The following NKD1 variants were observed in gnomAD, a reference collection of about 807,000 sequenced individuals.
NKD1 encodes protein naked cuticle homolog 1.
A neutral mutation model predicts 56.0 loss-of-function variants in NKD1; 21 were observed. The ratio of observed to expected loss-of-function variants is 0.38; its 90% CI spans 0.27 to 0.54. The LOEUF (loss-of-function observed/expected upper bound fraction) is 0.54, where lower values mean the gene tolerates loss of function less well. NKD1 is among the 20% of genes least tolerant of loss of function. The probability of loss-of-function intolerance (pLI) is 0.82; values close to 1 mark genes in which losing one functional copy is unlikely to be tolerated. For synonymous variants in NKD1, 263 were observed against 265.7 expected, an observed-to-expected ratio of 0.99 and a Z score of 0.10; for missense variants, 578 against 642.7, an observed-to-expected ratio of 0.90 and a Z score of 1.09.
chr16:50,597,701 G>GC (rs1178573224), intron 3 of NKD1, among the ~76,000 whole-genome samples: 1 of 152,128 alleles, frequency 6.6e-6, no homozygotes, highest in African/African-American at 2.4e-5. Context: ...TTCCCAAATG[G>GC]CCCCTCTCAC....
At chr16:50,597,437 T>C (rs894533586) in intron 3 of NKD1, among the ~76,000 whole-genome samples, 4 of 152,090 alleles carry the variant, frequency 2.6e-5, no homozygotes, top group Non-Finnish European at 5.9e-5. Flanking sequence ...GAAAAAGTTA[T>C]TATTATTTTT....
chr16:50,572,876 G>T, intron 3 of NKD1: 1 of 985,098 alleles, frequency 1.0e-6, no homozygotes, highest in Non-Finnish European at 1.2e-6. Context: ...GAGCCAACAG[G>T]ATCATGAGGT....
chr16:50,596,940 T>C (rs968778664), intron 3 of NKD1, among the ~76,000 whole-genome samples: 1 of 151,968 alleles, frequency 6.6e-6, no homozygotes, highest in Non-Finnish European at 1.5e-5. Flanking sequence ...GCTGAACCTG[T>C]TGGAGAAACA....
intron 4 of NKD1, 67 bp downstream of exon 4, chr16:50,608,427 T>G: frequency 8.9e-7 from 1 of 1,127,318 alleles, no homozygotes; most frequent in Non-Finnish European, 1.3e-6. Context: ...CAGCTGGCCG[T>G]GTGCCCTGTG....
rs371351306 is a variant in NKD1, at chr16:50,582,338, T to C, written c.193-25956T>C. 5.9e-5 allele frequency among the ~76,000 whole-genome samples: 9 copies of C among 152,328 alleles called. No individual in the cohort carries two copies. In the East Asian group the frequency reaches 1.7e-3, roughly 29 times the overall value. ...AGCCAAAATGAGATTCAAAATGCCC[T>C]GAGAGAGAGCTGCCCCCTCCCACAT... On this transcript the variant is annotated intron_variant, in intron 3 of 9. Coordinates refer to ENST00000268459, the MANE Select transcript of NKD1 (RefSeq NM_033119.5).
intron 5 of NKD1, among the ~76,000 whole-genome samples, chr16:50,624,719 G>A (rs1596753909): frequency 6.6e-6 from 1 of 152,218 alleles, no homozygotes; most frequent in Non-Finnish European, 1.5e-5. Flanking sequence ...TGTAGCATGC[G>A]CTCAGATTTG....
rs1209177853 is a variant in NKD1, at chr16:50,642,675, TAAAAC to T, written c.*8896_*8900del. ...TGGCACGTAATAGGCCCTCGATAAGTAAAACAGCAACAGTAGCTGCAGTTAGGAGA... is the reference window on the plus strand; with the variant it reads ...TGGCACGTAATAGGCCCTCGATAAGTAGCAACAGTAGCTGCAGTTAGGAGA... On this transcript the variant is annotated 3_prime_UTR_variant, in exon 10 of 10. Coordinates refer to ENST00000268459, the MANE Select transcript of NKD1 (RefSeq NM_033119.5). The T allele has an allele frequency of 6.6e-6, 1 of 152,224 alleles. No homozygotes were observed. The highest frequency in any genetic ancestry group is 1.5e-5 in the Non-Finnish European group (1 of 68,072). The allele number at this position is 152,224 out of a possible 1,614,324, so 9.4% of individuals were successfully genotyped here.
chr16:50,561,635 A>C (rs1960636817), intron 3 of NKD1, among the ~76,000 whole-genome samples: 1 of 152,100 alleles, frequency 6.6e-6, no homozygotes, highest in Admixed American at 6.5e-5. Context: ...ACAGTATGGC[A>C]GTCTCAGGGT....
At chr16:50,593,815 C>T (rs1249630808) in intron 3 of NKD1, among the ~76,000 whole-genome samples, 1 of 152,164 alleles carries the variant, frequency 6.6e-6, no homozygotes, top group Admixed American at 6.5e-5. Flanking sequence ...TTATGCTACA[C>T]AGTGATCTGT....
At position 50,574,740 on chromosome 16, in the gene NKD1, G is replaced by C. The variant is rs891316628; in HGVS notation, c.192+25185G>C. ...GGCGCTTGGGTTTTCTTTGGCACTTGGTGAGCAAATGGCTCCCTCTCCCTT... is the reference window on the plus strand; with the variant it reads ...GGCGCTTGGGTTTTCTTTGGCACTTCGTGAGCAAATGGCTCCCTCTCCCTT... On this transcript the variant is annotated intron_variant, in intron 3 of 9. Coordinates refer to ENST00000268459, the MANE Select transcript of NKD1 (RefSeq NM_033119.5). The C allele has an allele frequency of 5.1e-6, 5 of 985,286 alleles. No homozygotes were observed. The African/African-American group carries it at 7.0e-5, about 14-fold the overall frequency. The allele number at this position is 985,286 out of a possible 1,614,324, so 61.0% of individuals were successfully genotyped here. A position where few individuals can be genotyped will look rare whatever the true frequency, so the allele number is the denominator to read the frequency against.
intron 3 of NKD1, among the ~76,000 whole-genome samples, chr16:50,605,360 C>T (rs546837369): frequency 2.0e-4 from 31 of 152,338 alleles, no homozygotes; most frequent in Admixed American, 6.5e-4. Context: ...TTATACCTCT[C>T]GCTTTACAAT....
rs996717996 is a variant in NKD1 at position 50,623,794 on chromosome 16, G to A, written c.367-1691G>A. 2.3e-4 allele frequency among the ~76,000 whole-genome samples: 35 copies of A among 151,042 alleles called. No individual in the cohort carries two copies. Among genetic ancestry groups the A allele is most frequent in the African/African-American group, 7.5e-4 (31 of 41,132 alleles). On this transcript the variant is annotated intron_variant, in intron 5 of 9. Coordinates refer to ENST00000268459, the MANE Select transcript of NKD1 (RefSeq NM_033119.5). This position sits in a 1 kb window ranked among gnomAD's most constrained non-coding sequence, Gnocchi z 4.1. ...AGGTATGTGAGCGTAGGATGTGCAC[G>A]TATAGGGGTATACCTGTGTAGGTAT...
rs1567344606 is a variant in NKD1, at chr16:50,598,267, G to GCGCGCGCA, written c.193-10026_193-10025insGCGCGCAC. The stretch of plus-strand genomic sequence containing the variant: ...TGTGTGTGTGTGTGTGTGTGTGCGC[G>GCGCGCGCA]CACACCTGTGCTCATGGACACTCTT... On this transcript the variant is annotated intron_variant, in intron 3 of 9. Transcript: ENST00000268459. The surrounding 1 kb of genome is among the most constrained non-coding windows in gnomAD (Gnocchi z 4.2). Among the ~76,000 whole-genome samples the GCGCGCGCA allele has an allele frequency of 2.0e-5, 3 of 151,678 alleles. No individual in the cohort carries two copies. Among genetic ancestry groups the GCGCGCGCA allele is most frequent in the Non-Finnish European group, 2.9e-5 (2 of 67,954 alleles).
intron 6 of NKD1, among the ~76,000 whole-genome samples, chr16:50,626,590 A>C (rs1022584021): frequency 2.0e-5 from 3 of 152,198 alleles, no homozygotes; most frequent in African/African-American, 7.2e-5. Context: ...TCAGCAGAAG[A>C]GACACAGATG....
At chr16:50,599,869 A>G (rs1470114977) in intron 3 of NKD1, among the ~76,000 whole-genome samples, 1 of 152,180 alleles carries the variant, frequency 6.6e-6, no homozygotes, top group Non-Finnish European at 1.5e-5. Context: ...GGTGATGTCA[A>G]GATTTACTCT....
At chr16:50,562,983 ACCAC>A (rs796454067) in intron 3 of NKD1, among the ~76,000 whole-genome samples, 753 of 53,526 alleles carry the variant, frequency 0.014, 93 homozygotes, top group African/African-American at 0.069. Flanking sequence ...AGGTCCCACC[ACCAC>A]CCCCCCCCCC....
chr16:50,556,739 T>TG (rs1459008081), intron 3 of NKD1: 2 of 151,192 alleles, frequency 1.3e-5, no homozygotes, highest in Non-Finnish European at 3.0e-5. Context: ...TTTTTTTTTT[T>TG]TTTTTTTTTT....
chr16:50,572,393 A>G (rs961745400), intron 3 of NKD1, among the ~76,000 whole-genome samples: 20 of 152,212 alleles, frequency 1.3e-4, no homozygotes, highest in African/African-American at 4.3e-4. Context: ...TAATCCTTGG[A>G]GAATGAAAGT....
At chr16:50,574,268 A>G in intron 3 of NKD1, 1 of 985,346 alleles carries the variant, frequency 1.0e-6, no homozygotes, top group Non-Finnish European at 1.2e-6. Context: ...TCCTAGGTAC[A>G]CAGGCCTTGG....
Sources: allele counts gnomAD v4.1 joint callset (sites outside exome capture counted in the v4.1 genomes callset), GRCh38; gene constraint gnomAD v4.1.1; non-coding constraint Gnocchi (gnomAD v3.1); transcripts MANE v1.5; gene names NCBI Gene and HGNC (gene_info 2026-07-23, HGNC 2026-07-21).